NAV3: variants seen among roughly 807,000 people sequenced by gnomAD.
NAV3 encodes the protein neuron navigator 3, also known as pore membrane and/or filament interacting like protein 1.
NAV3 carries 87 observed loss-of-function variants against 244.7 expected under a neutral mutation model. The ratio of observed to expected loss-of-function variants is 0.36; its 90% CI spans 0.30 to 0.42. The LOEUF (loss-of-function observed/expected upper bound fraction) is 0.42. Ranked by LOEUF, NAV3 falls within the 20% of genes least tolerant of loss-of-function variation. The pLI is 1.00. For missense variants in NAV3, 2,663 were observed against 2,893.3 expected (o/e 0.92, Z 1.83); for synonymous variants, 1,126 against 1,042.2 (o/e 1.08, Z -1.55).
At chr12:77,962,785 C>CACT (rs1892145443) in intron 3 of NAV3, among the ~76,000 whole-genome samples, 1 of 152,092 alleles carries the variant, frequency 6.6e-6, no homozygotes, top group East Asian at 1.9e-4. Context: ...AAACAGAAGA[C>CACT]AGTACAGTGC....
intron 2 of NAV3, among the ~76,000 whole-genome samples, chr12:77,582,616 C>G (rs1367952250): frequency 2.6e-5 from 4 of 152,052 alleles, no homozygotes; most frequent in Non-Finnish European, 4.4e-5. Context: ...ATCAACAGTC[C>G]ACACAGGTAG....
At chr12:78,003,970 T>G (rs1873766053) in intron 7 of NAV3, among the ~76,000 whole-genome samples, 2 of 152,214 alleles carry the variant, frequency 1.3e-5, no homozygotes, top group South Asian at 4.1e-4. Context: ...AGTTACCCAA[T>G]TAACTTGACT....
intron 1 of NAV3, among the ~76,000 whole-genome samples, chr12:77,869,423 G>A (rs1348324158): frequency 2.0e-5 from 3 of 152,126 alleles, no homozygotes; most frequent in African/African-American, 4.8e-5. Context: ...CAATCTTATT[G>A]CCCACTATAA....
intron 2 of NAV3, among the ~76,000 whole-genome samples, chr12:77,618,414 T>C (rs993202810): frequency 2.6e-5 from 4 of 152,216 alleles, no homozygotes; most frequent in Non-Finnish European, 5.9e-5. Context: ...TTAATTACTC[T>C]TCATAATGTT....
Position 78,213,010 on chromosome 12 carries a change from A to G in NAV3, c.*2493A>G, listed in dbSNP as rs563066946. ...ATTAAAGTGGAATTATTTATTGACAACATGGTGTGGTTTCTATTTATGGAA... is the reference window on the plus strand; with the variant it reads ...ATTAAAGTGGAATTATTTATTGACAGCATGGTGTGGTTTCTATTTATGGAA... On this transcript the variant is annotated 3_prime_UTR_variant, in exon 40 of 40. Coordinates refer to ENST00000397909, the MANE Select transcript of NAV3 (RefSeq NM_001024383.2). 6.5e-6 allele frequency: 1 copy of G among 152,752 alleles called. No individual in the cohort carries two copies. Among genetic ancestry groups the G allele is most frequent in the East Asian group, 1.9e-4 (1 of 5,186 alleles). The allele number at this position is 152,752 out of a possible 1,614,324, so 9.5% of individuals were successfully genotyped here.
At chr12:77,754,265 C>A (rs1869012664) in intron 2 of NAV3, among the ~76,000 whole-genome samples, 1 of 152,082 alleles carries the variant, frequency 6.6e-6, no homozygotes. Context: ...AATACCAACG[C>A]CCCAGTCACA....
In NAV3 at chr12:77,936,446, T is replaced by C. The variant is rs146185262; in HGVS notation, c.244-3873T>C. On this transcript the variant is annotated intron_variant, in intron 1 of 39. Transcript: ENST00000397909. ...TTCAGATTTCCAGAGATAAATCGTA[T>C]TGGAAGCTTTAGCCAGAACATTCAT... is the stretch of plus-strand genomic sequence containing the variant. 2.6e-5 allele frequency among the ~76,000 whole-genome samples: 4 copies of C among 152,280 alleles called. No homozygotes were observed. In the East Asian group the frequency reaches 7.7e-4, roughly 29 times the overall value.
At chr12:77,772,273 T>G (rs1216854171) in intron 2 of NAV3, among the ~76,000 whole-genome samples, 1 of 152,176 alleles carries the variant, frequency 6.6e-6, no homozygotes, top group Non-Finnish European at 1.5e-5. Context: ...TTTGCATGCT[T>G]TGTATGCTCT....
chr12:78,109,789 C>T (rs1333245979), intron 12 of NAV3, among the ~76,000 whole-genome samples: 2 of 151,678 alleles, frequency 1.3e-5, no homozygotes. Context: ...ATAGAAGAAA[C>T]ATACCTCAAT....
At chr12:77,953,284 C>T (rs1289176995) in intron 3 of NAV3, among the ~76,000 whole-genome samples, 3 of 152,146 alleles carry the variant, frequency 2.0e-5, no homozygotes, top group Non-Finnish European at 4.4e-5. Flanking sequence ...CACAGACACA[C>T]ACAACTCTGT....
chr12:77,586,030 C>G (rs917639660), intron 2 of NAV3, among the ~76,000 whole-genome samples: 1 of 151,894 alleles, frequency 6.6e-6, no homozygotes, highest in South Asian at 2.1e-4. Flanking sequence ...GGCGTGGTGG[C>G]GGGTGCCTGT....
chr12:78,041,429 A>C (rs148056233), intron 9 of NAV3, among the ~76,000 whole-genome samples: 191 of 152,322 alleles, frequency 1.3e-3, no homozygotes, highest in African/African-American at 4.3e-3. Context: ...AAATATAGTA[A>C]AGGAATTAGC....
Position 78,142,663 on chromosome 12 carries a change from A to G in NAV3, c.4683+2329A>G, listed in dbSNP as rs191037116. Among the ~76,000 whole-genome samples the G allele has an allele frequency of 2.5e-3, 309 of 122,364 alleles. 3 individuals are homozygous for G. The highest frequency in any genetic ancestry group is 6.8e-3 in the African/African-American group (229 of 33,842). The allele number at this position is 122,364 out of a possible 152,430, so 80.3% of individuals were successfully genotyped here. A position where few individuals can be genotyped will look rare whatever the true frequency, so the allele number is the denominator to read the frequency against. On this transcript the variant is annotated intron_variant, in intron 20 of 39. Coordinates refer to ENST00000397909, the MANE Select transcript of NAV3 (RefSeq NM_001024383.2). ...GAACACAGATTAAAATAGAGTATGT[A>G]TATATATACATATATATGTGTATAT... is the stretch of plus-strand genomic sequence containing the variant.
At chr12:77,650,265 A>G (rs711130) in intron 2 of NAV3, among the ~76,000 whole-genome samples, 24,867 of 152,118 alleles carry the variant, frequency 0.16, 3,233 homozygotes, top group African/African-American at 0.36. Context: ...TTTAAAGAAG[A>G]AGCATGGGAT....
At chr12:77,759,512 A>T (rs1869357841) in intron 2 of NAV3, among the ~76,000 whole-genome samples, 1 of 152,236 alleles carries the variant, frequency 6.6e-6, no homozygotes, top group South Asian at 2.1e-4. Context: ...TGTTAATTGA[A>T]ATACATGTAA....
At chr12:78,152,419 A>T (rs376989) in intron 22 of NAV3, among the ~76,000 whole-genome samples, 1 of 151,220 alleles carries the variant, frequency 6.6e-6, no homozygotes, top group East Asian at 1.9e-4. Context: ...TATATATCTG[A>T]ACATTTTTGT....
intron 2 of NAV3, among the ~76,000 whole-genome samples, chr12:77,773,698 A>G (rs1260817315): frequency 6.6e-6 from 1 of 152,194 alleles, no homozygotes; most frequent in African/African-American, 2.4e-5. Flanking sequence ...AATTTTAATA[A>G]TGTACATCTC....
At chr12:78,199,152 G>C (rs1403370661) in intron 36 of NAV3, 183 bp from the exon 37 acceptor site, 1 of 673,830 alleles carries the variant, frequency 1.5e-6, no homozygotes, top group African/African-American at 1.8e-5. Context: ...CTACATTATA[G>C]CTCTCATCCT....
chr12:77,573,408 T>C (rs1039354809), intron 2 of NAV3, among the ~76,000 whole-genome samples: 11 of 152,202 alleles, frequency 7.2e-5, no homozygotes, highest in Non-Finnish European at 1.3e-4. Context: ...GTTTGGTTCA[T>C]TTTTTGTGCA....
Sources: allele counts gnomAD v4.1 joint callset (sites outside exome capture counted in the v4.1 genomes callset), GRCh38; gene constraint gnomAD v4.1.1; transcripts MANE v1.5; gene names NCBI Gene and HGNC (gene_info 2026-07-23, HGNC 2026-07-21).